DDX28: variants seen among roughly 807,000 people sequenced by gnomAD.
DDX28 encodes the protein DEAD-box helicase 28.
A neutral mutation model predicts 26.8 loss-of-function variants in DDX28; 25 were observed. The observed-to-expected ratio is 0.93, with a 90% confidence interval of 0.68 to 1.30. DDX28 has a LOEUF of 1.30. Ranked by LOEUF, DDX28 falls within the 50% of genes most tolerant of loss-of-function variation. The pLI, the probability that DDX28 is intolerant of heterozygous loss-of-function variation, is 0.00. For missense variants in DDX28, 790 were observed against 695.1 expected (o/e 1.14, Z -1.53); for synonymous variants, 370 against 311.9 (o/e 1.19, Z -1.96).
rs772520804 is a variant in DDX28 at position 68,022,566 on chromosome 16, G to C, written c.637C>G (p.Arg213Gly). Residue 213 changes from arginine (R) to glycine (G), a missense_variant, in exon 1 of 1, where the codon CGA (arginine) becomes GGA (glycine). Coordinates refer to ENST00000332395, the MANE Select transcript of DDX28 (RefSeq NM_018380.4). ...GCCCGCACCTGTTGGGCCAATTCTC[G>C]GGAAGGAACAAGGACCAGGCCTCGG... The part of the protein sequence containing the change: ...APRGLVLVPS[R>G]ELAQQVRAVA... 7 of 1,614,028 alleles carry C rather than the reference G, an allele frequency of 4.3e-6. No individual in the cohort carries two copies. Among genetic ancestry groups the C allele is most frequent in the Non-Finnish European group, 5.9e-6 (7 of 1,180,036 alleles).
In DDX28 at chr16:68,022,336, G is replaced by GTC. The variant is rs765966776; in HGVS notation, c.865_866dup (p.Asp289GlufsTer17). ...CCAGGAAGCTTTCATCCAGCAGTGT[G>GTC]TCTGCCTCATCCAACACCAAGAAGG... is the stretch of plus-strand genomic sequence containing the variant. On this transcript the variant is annotated frameshift_variant, in exon 1 of 1. Transcript: ENST00000332395. LOFTEE classifies it high-confidence loss of function. The GTC allele has an allele frequency of 6.2e-7, 1 of 1,614,232 alleles. No individual in the cohort carries two copies. Among genetic ancestry groups the GTC allele is most frequent in the South Asian group, 1.1e-5 (1 of 91,092 alleles).
chr16:68,021,765 C>T lies in DDX28; in HGVS notation c.1438G>A (p.Asp480Asn). The T allele has an allele frequency of 1.2e-6, 2 of 1,614,198 alleles. No individual in the cohort carries two copies. The highest frequency in any genetic ancestry group is 1.7e-6 in the Non-Finnish European group (2 of 1,180,032). The stretch of plus-strand genomic sequence containing the variant: ...ACTCTCCCTGCTCTGTGGATGTAAT[C>T]TTGCAGCGTTGGGGGGAAATCATAA... ...VNYDFPPTLQ[D>N]YIHRAGRVGR... Residue 480 changes from aspartate (D) to asparagine (N), a missense_variant, in exon 1 of 1, where the codon GAT (aspartate) becomes AAT (asparagine). Physicochemically the swap from Asp to Asn is conservative, Grantham distance 23 (BLOSUM62 1). Coordinates refer to ENST00000332395, the MANE Select transcript of DDX28 (RefSeq NM_018380.4).
In DDX28 at chr16:68,021,231, T is replaced by C; in HGVS notation, c.*349A>G. 3.7e-6 allele frequency: 1 copy of C among 272,168 alleles called. No individual in the cohort carries two copies. The highest frequency in any genetic ancestry group is 5.0e-5 in the Admixed American group (1 of 20,050). The allele number at this position is 272,168 out of a possible 1,614,324, so 16.9% of individuals were successfully genotyped here. ...ACATCAACTGAAAGAGCCTTTGTCCTAGATGTGGAGGTTTGGTGTATGAAT... is the reference window on the plus strand; with the variant it reads ...ACATCAACTGAAAGAGCCTTTGTCCCAGATGTGGAGGTTTGGTGTATGAAT... On this transcript the variant is annotated 3_prime_UTR_variant, in exon 1 of 1. Transcript: ENST00000332395.
rs1567465303 is a variant in DDX28, at chr16:68,022,865, TG to T, written c.337del (p.Gln113AsnfsTer158). On this transcript the variant is annotated frameshift_variant, in exon 1 of 1. Coordinates refer to ENST00000332395, the MANE Select transcript of DDX28 (RefSeq NM_018380.4). LOFTEE classifies it high-confidence loss of function. ...CTTTCGCACCGCTGGCGCCTCCTGT[TG>T]CGCGCGCTCGATGGAGAAGTGGTCC... ...RRDHFSIERA[Q>X]QEAPAVRKLS... The T allele has an allele frequency of 6.4e-7, 1 of 1,574,748 alleles. No individual in the cohort carries two copies. The highest frequency in any genetic ancestry group is 1.1e-5 in the South Asian group (1 of 87,216).
In DDX28 at chr16:68,021,621, G is replaced by A; in HGVS notation, c.1582C>T (p.Leu528=). 6.2e-7 allele frequency: 1 copy of A among 1,614,192 alleles called. No individual in the cohort carries two copies. The highest frequency in any genetic ancestry group is 8.5e-7 in the Non-Finnish European group (1 of 1,179,992). ...AARRRRSLPG[L]ASSVKEPLPQ... ...AAAGGCTCTTTCACCGAGGATGCTA[G>A]TCCTGGAAGACTTCTCCTTCGGCGA... is the stretch of plus-strand genomic sequence containing the variant. Residue 528 remains leucine, a synonymous_variant, in exon 1 of 1, where the codon CTA becomes TTA. Coordinates refer to ENST00000332395, the MANE Select transcript of DDX28 (RefSeq NM_018380.4).
chr16:68,022,756 A>T lies in DDX28; in HGVS notation c.447T>A (p.Val149=). 1.9e-6 allele frequency: 3 copies of T among 1,611,896 alleles called. No homozygotes were observed. In the Middle Eastern group the frequency reaches 5.0e-4, roughly 266 times the overall value. Residue 149 remains valine, a synonymous_variant, in exon 1 of 1, where the codon GTT becomes GTA. Transcript: ENST00000332395. The part of the protein sequence containing the change: ...HALQEAAPEV[V]QPTTVQSSTI... ...TGCTAGACTGCACGGTTGTGGGCTG[A>T]ACGACTTCAGGCGCAGCCTCCTGTA...
In DDX28 at chr16:68,021,097, A is replaced by G. The variant is rs1379197174; in HGVS notation, c.*483T>C. Among the ~76,000 whole-genome samples the G allele has an allele frequency of 6.6e-6, 1 of 151,602 alleles. No homozygotes were observed. On this transcript the variant is annotated 3_prime_UTR_variant, in exon 1 of 1. Coordinates refer to ENST00000332395, the MANE Select transcript of DDX28 (RefSeq NM_018380.4). ...CCGTTTGTCTTGGGCATTGTTAGAGAGTAACTCTGTCTACTGCTAGTCACA... is the reference window on the plus strand; with the variant it reads ...CCGTTTGTCTTGGGCATTGTTAGAGGGTAACTCTGTCTACTGCTAGTCACA...
Position 68,022,992 on chromosome 16 carries a change from C to A in DDX28, c.211G>T (p.Ala71Ser). 2 of 1,560,280 alleles carry A rather than the reference C, an allele frequency of 1.3e-6. No homozygotes were observed. The highest frequency in any genetic ancestry group is 1.7e-6 in the Non-Finnish European group (2 of 1,161,316). Residue 71 changes from alanine to serine, a missense_variant, in exon 1 of 1, where the codon GCG (alanine) becomes TCG (serine). Ala to Ser is a moderately conservative substitution (Grantham distance 99, BLOSUM62 1). Coordinates refer to ENST00000332395, the MANE Select transcript of DDX28 (RefSeq NM_018380.4). The stretch of plus-strand genomic sequence containing the variant: ...GGCTGGTTCAACTCCGGCCGCCGCG[C>A]CGAAACCAGCAGCGGTCCGGGTCGA... ...LVRPGPLLVS[A>S]RRPELNQPAR...
rs1034206482 is a variant in DDX28, at chr16:68,023,228, A to T, written c.-26T>A. 3.8e-6 allele frequency: 6 copies of T among 1,588,654 alleles called. No homozygotes were observed. Among genetic ancestry groups the T allele is most frequent in the South Asian group, 1.1e-5 (1 of 87,888 alleles). On this transcript the variant is annotated 5_prime_UTR_variant, in exon 1 of 1. Coordinates refer to ENST00000332395, the MANE Select transcript of DDX28 (RefSeq NM_018380.4). ...GTTTCCCTTAGTGCGGGAGAAGCGC[A>T]CATCAGTGACGTCACGGACGCGCCG...
chr16:68,022,964 G>A lies in DDX28; in HGVS notation c.239C>T (p.Ala80Val). Residue 80 changes from alanine (A) to valine (V), a missense_variant, in exon 1 of 1, where the codon GCG (alanine) becomes GTG (valine). Ala to Val is a moderately conservative substitution (Grantham distance 64). Coordinates refer to ENST00000332395, the MANE Select transcript of DDX28 (RefSeq NM_018380.4). ...SARRPELNQPARLTLGRWERA... is the reference protein window; with the variant it reads ...SARRPELNQPVRLTLGRWERA... The stretch of plus-strand genomic sequence containing the variant: ...CTCCCAACGGCCCAGTGTGAGGCGC[G>A]CCGGCTGGTTCAACTCCGGCCGCCG... 6.5e-7 allele frequency: 1 copy of A among 1,548,932 alleles called. No homozygotes were observed.
chr16:68,021,597 A>C lies in DDX28; in HGVS notation c.1606T>G (p.Leu536Val), dbSNP rs776669424. The change falls in exon 1 of 1, where the codon TTG (leucine) becomes GTG (valine). Residue 536 changes from leucine to valine, a missense_variant. Physicochemically the swap from Leu to Val is conservative, Grantham distance 32. Coordinates refer to ENST00000332395, the MANE Select transcript of DDX28 (RefSeq NM_018380.4). ...TGTCAAAATCAGGTTGCTTGGGGCA[A>C]AGGCTCTTTCACCGAGGATGCTAGT... ...PGLASSVKEPLPQAT is the reference protein window; with the variant it reads ...PGLASSVKEPVPQAT 2.3e-5 allele frequency: 37 copies of C among 1,613,238 alleles called. No individual in the cohort carries two copies. Among genetic ancestry groups the C allele is most frequent in the Non-Finnish European group, 3.1e-5 (37 of 1,179,362 alleles).
In DDX28 at chr16:68,021,892, T is replaced by C. The variant is rs750928123; in HGVS notation, c.1311A>G (p.Val437=). The part of the protein sequence containing the change: ...LQGQMPALMR[V]GIFQSFQKSS... ...TCTTCTGGAAGGACTGGAAGATTCCTACCCTCATCAAGGCTGGCATTTGCC... is the reference window on the plus strand; with the variant it reads ...TCTTCTGGAAGGACTGGAAGATTCCCACCCTCATCAAGGCTGGCATTTGCC... The change falls in exon 1 of 1, where the codon GTA becomes GTG. Residue 437 remains valine, a synonymous_variant. Transcript: ENST00000332395. The C allele has an allele frequency of 3.1e-5, 50 of 1,614,220 alleles. No homozygotes were observed. Among genetic ancestry groups the C allele is most frequent in the Non-Finnish European group, 4.2e-5 (50 of 1,180,038 alleles).
Position 68,022,477 on chromosome 16 carries a change from G to A in DDX28, c.726C>T (p.Gly242=), listed in dbSNP as rs1191310880. 2 of 1,613,868 alleles carry A rather than the reference G, an allele frequency of 1.2e-6. No individual in the cohort carries two copies. Among genetic ancestry groups the A allele is most frequent in the African/African-American group, 1.3e-5 (1 of 75,072 alleles). ...LLVRDLEGGH[G]MRRIRLQLSR... ...ACAGCTGCAGCCTGATCCTACGCAT[G>A]CCGTGGCCTCCCTCCAGGTCCCGCA... Residue 242 remains glycine, a synonymous_variant, in exon 1 of 1, where the codon GGC becomes GGT. Coordinates refer to ENST00000332395, the MANE Select transcript of DDX28 (RefSeq NM_018380.4).
In DDX28 at chr16:68,022,395, G is replaced by A. The variant is rs1353326405; in HGVS notation, c.808C>T (p.Leu270=). The A allele has an allele frequency of 1.2e-6, 2 of 1,614,136 alleles. No homozygotes were observed. The highest frequency in any genetic ancestry group is 4.5e-5 in the East Asian group (2 of 44,886). The change falls in exon 1 of 1, where the codon CTG becomes TTG. Residue 270 remains leucine, a synonymous_variant. Transcript: ENST00000332395. ...TCCAGACTGATCAGTCGACTTTTCAGGGCCTTCCACAGAGCCCCTGGAGTG... is the reference window on the plus strand; with the variant it reads ...TCCAGACTGATCAGTCGACTTTTCAAGGCCTTCCACAGAGCCCCTGGAGTG... ...VATPGALWKA[L]KSRLISLEQL...
chr16:68,022,396 G>T lies in DDX28; in HGVS notation c.807C>A (p.Ala269=), dbSNP rs774695916. The T allele has an allele frequency of 3.7e-6, 6 of 1,614,080 alleles. No homozygotes were observed. In the Admixed American group the frequency reaches 6.7e-5, roughly 18 times the overall value. Residue 269 remains alanine (A), a synonymous_variant, in exon 1 of 1, where the codon GCC becomes GCA. Transcript: ENST00000332395. ...CCAGACTGATCAGTCGACTTTTCAG[G>T]GCCTTCCACAGAGCCCCTGGAGTGG... ...LVATPGALWK[A]LKSRLISLEQ...
At position 68,023,218 on chromosome 16, in the gene DDX28, G is replaced by A. The variant is rs1466677639; in HGVS notation, c.-16C>T. 5 of 1,599,722 alleles carry A rather than the reference G, an allele frequency of 3.1e-6. No individual in the cohort carries two copies. Among genetic ancestry groups the A allele is most frequent in the Non-Finnish European group, 4.3e-6 (5 of 1,172,606 alleles). On this transcript the variant is annotated 5_prime_UTR_variant, in exon 1 of 1. Transcript: ENST00000332395. ...TTAGAGCCATGTTTCCCTTAGTGCG[G>A]GAGAAGCGCACATCAGTGACGTCAC...
At position 68,022,796 on chromosome 16, in the gene DDX28, C is replaced by A. The variant is rs750399420; in HGVS notation, c.407G>T (p.Arg136Leu). The change falls in exon 1 of 1, where the codon CGT (arginine) becomes CTT (leucine). Residue 136 changes from arginine (R) to leucine (L), a missense_variant. Arg to Leu is a moderately radical substitution (Grantham distance 102, BLOSUM62 -2). Transcript: ENST00000332395. ...AGCCTCCTGTAGTGCGTGCAGCACA[C>A]GGGGCTCCAGGCCCAGGTCAGCAAA... is the stretch of plus-strand genomic sequence containing the variant. ...GSFADLGLEP[R>L]VLHALQEAAP... 6.3e-7 allele frequency: 1 copy of A among 1,591,770 alleles called. No homozygotes were observed. Among genetic ancestry groups the A allele is most frequent in the Non-Finnish European group, 8.6e-7 (1 of 1,168,386 alleles).
In DDX28 at chr16:68,022,848, C is replaced by A; in HGVS notation, c.355G>T (p.Val119Leu). 6.4e-7 allele frequency: 1 copy of A among 1,570,958 alleles called. No individual in the cohort carries two copies. The highest frequency in any genetic ancestry group is 8.6e-7 in the Non-Finnish European group (1 of 1,158,476). The change falls in exon 1 of 1, where the codon GTG becomes TTG. Residue 119 changes from valine (V) to leucine (L), a missense_variant. Val to Leu is a conservative substitution (Grantham distance 32). Transcript: ENST00000332395. ...CTGCCCTTAGACGAGAGCTTTCGCA[C>A]CGCTGGCGCCTCCTGTTGCGCGCGC... ...IERAQQEAPA[V>L]RKLSSKGSFA... is the part of the protein sequence containing the mutation.
rs1238338396 is a variant in DDX28 at position 68,022,660 on chromosome 16, G to A, written c.543C>T (p.Ser181=). 2.5e-6 allele frequency: 4 copies of A among 1,613,006 alleles called. No individual in the cohort carries two copies. Among genetic ancestry groups the A allele is most frequent in the Non-Finnish European group, 3.4e-6 (4 of 1,179,928 alleles). Residue 181 remains serine (S), a synonymous_variant, in exon 1 of 1, where the codon AGC becomes AGT. Transcript: ENST00000332395. Reference sequence around the variant, plus strand: ...GCCGTTGAAGCAGCGGCAGGAGGTAGCTGAGAGTCTTGCCACTGCCGGTTT... The same window carrying A: ...GCCGTTGAAGCAGCGGCAGGAGGTAACTGAGAGTCTTGCCACTGCCGGTTT... ...AAETGSGKTL[S]YLLPLLQRLL...
Sources: gnomAD v4.1 joint callset for allele counts (sites outside exome capture counted in the v4.1 genomes callset) on GRCh38, gnomAD v4.1.1 for gene constraint, MANE v1.5 for transcripts, NCBI Gene and HGNC (gene_info 2026-07-23, HGNC 2026-07-21) for gene names.